TTLL1: variants seen among roughly 807,000 people sequenced by gnomAD.
TTLL1 encodes the protein TTL family tubulin polyglutamylase complex subunit L1, also known as polyglutamylase complex subunit TTLL1.
TTLL1 carries 33 observed loss-of-function variants against 47.8 expected under a neutral mutation model. The ratio of observed to expected loss-of-function variants is 0.69; its 90% confidence interval spans 0.52 to 0.92. The LOEUF is 0.92. TTLL1 is among the 40% of genes least tolerant of loss of function. The pLI, the probability that TTLL1 is intolerant of heterozygous loss-of-function variation, is 0.00. For missense variants in TTLL1, 488 were observed against 547.5 expected (o/e 0.89, Z 1.08); for synonymous variants, 225 against 214.1 (o/e 1.05, Z -0.45).
At chr22:43,070,417 C>G (rs1243159822) in intron 3 of TTLL1, among the ~76,000 whole-genome samples, 2 of 152,110 alleles carry the variant, frequency 1.3e-5, no homozygotes, top group African/African-American at 4.8e-5. Context: ...TCACCAACCC[C>G]CAGAGAAGCA....
intron 1 of TTLL1, among the ~76,000 whole-genome samples, chr22:43,087,698 C>A (rs978453197): frequency 6.7e-5 from 10 of 150,194 alleles, no homozygotes; most frequent in African/African-American, 2.0e-4. Flanking sequence ...ATCAGCCGGG[C>A]GTGGTGGTGG....
At chr22:43,085,150 G>A (rs1026332538) in intron 1 of TTLL1, among the ~76,000 whole-genome samples, 1 of 151,638 alleles carries the variant, frequency 6.6e-6, no homozygotes, top group Admixed American at 6.6e-5. Flanking sequence ...CTAATTTTTT[G>A]TATTTTTAAT....
At position 43,065,796 on chromosome 22, in the gene TTLL1, C is replaced by G. The variant is rs143544317; in HGVS notation, c.504-1472G>C. On this transcript the variant is annotated intron_variant, in intron 5 of 10. Coordinates refer to ENST00000266254, the MANE Select transcript of TTLL1 (RefSeq NM_012263.5). The stretch of plus-strand genomic sequence containing the variant: ...TAGGGGATGCTGATAAGGGGGGAGG[C>G]CGTGCATGTGTGGGGAAGGGGTATA... Among the ~76,000 whole-genome samples the G allele has an allele frequency of 1.4e-4, 21 of 151,928 alleles. No homozygotes were observed. The East Asian group carries it at 3.1e-3, about 22-fold the overall frequency.
intron 1 of TTLL1, among the ~76,000 whole-genome samples, chr22:43,082,963 G>A (rs1166566087): frequency 2.0e-5 from 3 of 151,026 alleles, no homozygotes; most frequent in African/African-American, 7.3e-5. Context: ...GCAATGAGCC[G>A]AGATCGTGCC....
intron 8 of TTLL1, among the ~76,000 whole-genome samples, chr22:43,058,389 A>T (rs1927166073): frequency 1.3e-5 from 2 of 152,254 alleles, no homozygotes; most frequent in Non-Finnish European, 2.9e-5. Context: ...TAAAATGTGA[A>T]GATAAAAAAA....
At chr22:43,061,296 C>A (rs1927374365) in intron 7 of TTLL1, among the ~76,000 whole-genome samples, 1 of 152,216 alleles carries the variant, frequency 6.6e-6, no homozygotes, top group Non-Finnish European at 1.5e-5. Context: ...GTTAGGCCAG[C>A]CACATGTGGA....
intron 1 of TTLL1, among the ~76,000 whole-genome samples, chr22:43,083,035 A>G (rs1285904515): frequency 6.6e-6 from 1 of 150,502 alleles, no homozygotes; most frequent in Non-Finnish European, 1.5e-5. Context: ...AAATAATAAT[A>G]ATAATAATAA....
intron 3 of TTLL1, among the ~76,000 whole-genome samples, chr22:43,073,482 G>T (rs537446647): frequency 1.4e-4 from 21 of 151,484 alleles, no homozygotes; most frequent in Admixed American, 2.0e-4. Context: ...TCAGCCTCCC[G>T]GGCAGCTAGG....
At position 43,069,535 on chromosome 22, in the gene TTLL1, C is replaced by T. The variant is rs926622546; in HGVS notation, c.322+101G>A. 3.5e-5 allele frequency: 54 copies of T among 1,558,782 alleles called. No individual in the cohort carries two copies. In the Middle Eastern group the frequency reaches 5.1e-4, roughly 15 times the overall value. The stretch of plus-strand genomic sequence containing the variant: ...TGCCACCACAACTCGCATGGACATG[C>T]TCACGCATCAAAGCCAACAGTCACC... On this transcript the variant is annotated intron_variant, in intron 4 of 10. Transcript: ENST00000266254.
At chr22:43,064,776 G>A (rs1212172838) in intron 5 of TTLL1, among the ~76,000 whole-genome samples, 1 of 151,858 alleles carries the variant, frequency 6.6e-6, no homozygotes, top group Non-Finnish European at 1.5e-5. Flanking sequence ...AAGATCTGTG[G>A]TTGCCACAGA....
At position 43,089,376 on chromosome 22, in the gene TTLL1, G is replaced by A. The variant is rs188533262; in HGVS notation, c.-189C>T. On this transcript the variant is annotated 5_prime_UTR_variant, in exon 1 of 11. Transcript: ENST00000266254. ...TCCAGCCCCTCTCCGGCGCTCGCAG[G>A]AGTACGCAGCCGACTGCCAGGCGCA... is the stretch of plus-strand genomic sequence containing the variant. The A allele has an allele frequency of 0.011, 1,623 of 152,584 alleles. 27 individuals are homozygous for A. Among genetic ancestry groups the A allele is most frequent in the Non-Finnish European group, 0.012 (796 of 68,218 alleles). 9.5% of individuals were successfully genotyped at this position (152,584 alleles called of 1,614,324 possible).
chr22:43,071,904 C>A (rs1011586084), intron 3 of TTLL1, among the ~76,000 whole-genome samples: 3 of 152,240 alleles, frequency 2.0e-5, no homozygotes, highest in African/African-American at 7.2e-5. Flanking sequence ...GGCACAGCTG[C>A]ACTGCCATGT....
Position 43,063,730 on chromosome 22 carries a change from T to C in TTLL1, c.747+83A>G, listed in dbSNP as rs920586898. On this transcript the variant is annotated intron_variant, in intron 7 of 10. Coordinates refer to ENST00000266254, the MANE Select transcript of TTLL1 (RefSeq NM_012263.5). ...ATCCACCCGCCTCAGCCTCCCAAAG[T>C]GCCGGGATTACAGGCGTGAGCCACC... 8.3e-6 allele frequency: 11 copies of C among 1,325,456 alleles called. No individual in the cohort carries two copies. The African/African-American group carries it at 1.0e-4, about 12-fold the overall frequency. 82.1% of individuals were successfully genotyped at this position (1,325,456 alleles called of 1,614,324 possible). A position where few individuals can be genotyped will look rare whatever the true frequency, so the allele number is the denominator to read the frequency against.
chr22:43,050,282 G>A (rs759137753), intron 9 of TTLL1, among the ~76,000 whole-genome samples: 2 of 149,400 alleles, frequency 1.3e-5, no homozygotes, highest in Non-Finnish European at 3.0e-5. Context: ...TGGGCGTGGT[G>A]GTGCACGCCT....
intron 3 of TTLL1, among the ~76,000 whole-genome samples, chr22:43,074,043 C>G (rs1928314434): frequency 6.6e-6 from 1 of 151,718 alleles, no homozygotes; most frequent in African/African-American, 2.4e-5. Flanking sequence ...ATGCTGGTCT[C>G]CAACTCCTGG....
At chr22:43,045,608 G>T (rs574659252) in intron 10 of TTLL1, among the ~76,000 whole-genome samples, 1 of 151,500 alleles carries the variant, frequency 6.6e-6, no homozygotes, top group South Asian at 2.1e-4. Context: ...ACTGCACCTG[G>T]TCTATTATAC....
chr22:43,087,523 CAAA>C (rs888525930), intron 1 of TTLL1, among the ~76,000 whole-genome samples: 17 of 83,594 alleles, frequency 2.0e-4, no homozygotes, highest in African/African-American at 2.7e-4. Context: ...GACTCCATCT[CAAA>C]AAAAAAAAAA....
chr22:43,079,242 CACAGACATGGGG>C (rs1928720285), intron 2 of TTLL1, among the ~76,000 whole-genome samples: 16 of 106,298 alleles, frequency 1.5e-4, no homozygotes, highest in South Asian at 6.1e-4. Context: ...CCCTCACACC[CACAGACATGGGG>C]GCCAAGGGAG....
chr22:43,050,766 A>G (rs1322231782), intron 9 of TTLL1, among the ~76,000 whole-genome samples: 1 of 151,954 alleles, frequency 6.6e-6, no homozygotes, highest in Non-Finnish European at 1.5e-5. Context: ...CAGGTGATCC[A>G]CCCGCCTTGG....
Sources: gnomAD v4.1 joint callset for allele counts (sites outside exome capture counted in the v4.1 genomes callset) on GRCh38, gnomAD v4.1.1 for gene constraint, MANE v1.5 for transcripts, NCBI Gene and HGNC (gene_info 2026-07-23, HGNC 2026-07-21) for gene names.